ANK1: variants seen among roughly 807,000 people sequenced by gnomAD.
The protein encoded by ANK1 is ankyrin 1.
ANK1 carries 51 observed loss-of-function variants against 210.4 expected under a neutral mutation model. The observed-to-expected ratio is 0.24, with a 90% CI of 0.19 to 0.31. The LOEUF is 0.31. Ranked by LOEUF, ANK1 falls within the 10% of genes least tolerant of loss-of-function variation. The pLI, the probability that ANK1 is intolerant of heterozygous loss-of-function variation, is 1.00. For synonymous variants in ANK1, 967 were observed against 1,025.9 expected, an observed-to-expected ratio of 0.94 and a Z score of 1.10; for missense variants, 2,051 against 2,504.4, an observed-to-expected ratio of 0.82 and a Z score of 3.86.
intron 9 of ANK1, 113 bp from the exon 10 acceptor site, chr8:41,719,971 A>T: frequency 1.6e-6 from 2 of 1,281,350 alleles, no homozygotes; most frequent in South Asian, 2.5e-5. Flanking sequence ...TGTTTCCACA[A>T]GTCTCTGGAG....
chr8:41,656,151 C>A (rs72638946), intron 42 of ANK1, among the ~76,000 whole-genome samples: 13 of 152,262 alleles, frequency 8.5e-5, no homozygotes, highest in Non-Finnish European at 1.8e-4. Context: ...TTAGGAAGAG[C>A]CATTTTTCTT....
intron 1 of ANK1, among the ~76,000 whole-genome samples, chr8:41,812,156 T>A (rs1455393637): frequency 6.6e-6 from 1 of 152,262 alleles, no homozygotes; most frequent in African/African-American, 2.4e-5. Flanking sequence ...CACTTCGTTA[T>A]CATCATCCAA....
chr8:41,708,974 T>C lies in ANK1; in HGVS notation c.1802A>G (p.Asn601Ser), dbSNP rs1825433339. The C allele has an allele frequency of 1.2e-6, 2 of 1,613,860 alleles. No individual in the cohort carries two copies. The highest frequency in any genetic ancestry group is 1.7e-6 in the Non-Finnish European group (2 of 1,180,046). Reference sequence around the variant, plus strand: ...AGCGATGTGCAAAGGGGTGTAGCCATTCTGAAACAGAAGAAGCCGCCCAGA... The same window carrying C: ...AGCGATGTGCAAAGGGGTGTAGCCACTCTGAAACAGAAGAAGCCGCCCAGA... ...RGGSPHSPAW[N>S]GYTPLHIAAK... The change falls in exon 17 of 43, where the codon AAT becomes AGT. Residue 601 changes from asparagine (N) to serine (S), a missense_variant and splice_region_variant. Transcript: ENST00000289734.
chr8:41,854,875 G>C (rs970424681), intron 1 of ANK1, among the ~76,000 whole-genome samples: 1 of 151,584 alleles, frequency 6.6e-6, no homozygotes, highest in African/African-American at 2.4e-5. Context: ...GCTTGAGCCC[G>C]AGTTGGAGGC....
chr8:41,730,937 C>A (rs539925984), intron 3 of ANK1, among the ~76,000 whole-genome samples: 1 of 152,338 alleles, frequency 6.6e-6, no homozygotes, highest in East Asian at 1.9e-4. Flanking sequence ...CCCTTCCTGC[C>A]TGAAGTCCAA....
intron 1 of ANK1, among the ~76,000 whole-genome samples, chr8:41,823,591 T>G (rs560531017): frequency 6.6e-6 from 1 of 151,528 alleles, no homozygotes. Context: ...AGACCACGTC[T>G]CTACAAAAAC....
At chr8:41,772,513 G>T (rs1780904695) in intron 1 of ANK1, among the ~76,000 whole-genome samples, 1 of 152,160 alleles carries the variant, frequency 6.6e-6, no homozygotes, top group Admixed American at 6.5e-5. Context: ...CACTGATCTT[G>T]CTTCAACACT....
intron 1 of ANK1, among the ~76,000 whole-genome samples, chr8:41,808,088 A>T (rs1192543895): frequency 6.6e-6 from 1 of 152,208 alleles, no homozygotes; most frequent in Non-Finnish European, 1.5e-5. Flanking sequence ...GGCCAGACCC[A>T]GAAAGGGTCT....
rs35341809 is a variant in ANK1 at position 41,856,874 on chromosome 8, C to CTTTTTTTTTTTTT, written c.126+39468_126+39480dup. Among the ~76,000 whole-genome samples, 133 of 95,266 alleles carry CTTTTTTTTTTTTT rather than the reference C, an allele frequency of 1.4e-3. 6 individuals carry two copies. The highest frequency in any genetic ancestry group is 6.1e-3 in the African/African-American group (128 of 20,828). 62.5% of individuals were successfully genotyped at this position (95,266 alleles called of 152,430 possible). A position where few individuals can be genotyped will look rare whatever the true frequency, so the allele number is the denominator to read the frequency against. On this transcript the variant is annotated intron_variant, in intron 1 of 42. Coordinates refer to the ANK1 transcript ENST00000265709. Reference sequence around the variant, plus strand: ...TTTCGCCTTGGTGCTTAACAGCCCTCTTTTTTTTTTTTTTTTTTTTTTTTT... The same window carrying CTTTTTTTTTTTTT: ...TTTCGCCTTGGTGCTTAACAGCCCTCTTTTTTTTTTTTTTTTTTTTTTTTTTTTTTTTTTTTTT...
At chr8:41,841,971 G>A (rs976230321) in intron 1 of ANK1, among the ~76,000 whole-genome samples, 1 of 152,214 alleles carries the variant, frequency 6.6e-6, no homozygotes, top group Admixed American at 6.5e-5. Context: ...GAGTGACAGT[G>A]GCATCGTGTG....
intron 1 of ANK1, among the ~76,000 whole-genome samples, chr8:41,891,688 G>C (rs1289644590): frequency 6.6e-6 from 1 of 152,178 alleles, no homozygotes; most frequent in Non-Finnish European, 1.5e-5. Flanking sequence ...ATGGACAGGA[G>C]GCAGGCTGGG....
intron 1 of ANK1, among the ~76,000 whole-genome samples, chr8:41,802,843 A>G (rs1481852336): frequency 1.4e-5 from 2 of 147,138 alleles, no homozygotes; most frequent in East Asian, 4.2e-4. Flanking sequence ...CTGGGAAGTC[A>G]TTGAGGCCGC....
intron 1 of ANK1, among the ~76,000 whole-genome samples, chr8:41,816,685 G>A (rs570063182): frequency 9.5e-4 from 144 of 152,124 alleles, no homozygotes; most frequent in Non-Finnish European, 1.6e-3. Flanking sequence ...CCACCTAAGC[G>A]TCCCAAAGTG....
chr8:41,761,271 GCA>G (rs1215355233), intron 1 of ANK1, among the ~76,000 whole-genome samples: 4 of 150,774 alleles, frequency 2.7e-5, no homozygotes, highest in African/African-American at 4.9e-5. Context: ...AGACGTGTGT[GCA>G]CACACATGCA....
At chr8:41,803,146 A>AGAAAG in intron 1 of ANK1, among the ~76,000 whole-genome samples, 2 of 147,694 alleles carry the variant, frequency 1.4e-5, no homozygotes, top group African/African-American at 2.5e-5. Flanking sequence ...AAGAAAGGAA[A>AGAAAG]GAAAGAAAAG....
intron 42 of ANK1, among the ~76,000 whole-genome samples, chr8:41,659,567 G>A (rs1410286565): frequency 6.6e-6 from 1 of 152,178 alleles, no homozygotes; most frequent in African/African-American, 2.4e-5. Flanking sequence ...AAGCCTTTGG[G>A]CCCTCAACCG....
At chr8:41,787,072 AG>A (rs1285962345) in intron 1 of ANK1, among the ~76,000 whole-genome samples, 1 of 152,168 alleles carries the variant, frequency 6.6e-6, no homozygotes. Context: ...CAAAGCACAG[AG>A]GGATGCCTGA....
intron 1 of ANK1, among the ~76,000 whole-genome samples, chr8:41,879,661 C>T (rs542931827): frequency 5.9e-4 from 90 of 152,274 alleles, no homozygotes; most frequent in Non-Finnish European, 1.0e-3. Context: ...ATCCAGCCGT[C>T]CTGCTGGCCT....
chr8:41,691,440 C>G (rs113433737), intron 31 of ANK1, among the ~76,000 whole-genome samples: 4,054 of 152,242 alleles, frequency 0.027, 151 homozygotes, highest in African/African-American at 0.086. Flanking sequence ...GGATTAGAAC[C>G]AAGGTTATAG....
Sources: gnomAD v4.1 joint callset for allele counts (sites outside exome capture counted in the v4.1 genomes callset) on GRCh38, gnomAD v4.1.1 for gene constraint, MANE v1.5 for transcripts, NCBI Gene and HGNC (gene_info 2026-07-23, HGNC 2026-07-21) for gene names.